The following NUB1 variants were observed in gnomAD, a reference collection of about 807,000 sequenced individuals.
NUB1 encodes negative regulator of ubiquitin like proteins 1.
NUB1 carries 41 observed loss-of-function variants against 77.1 expected under a neutral mutation model. The ratio of observed to expected loss-of-function variants is 0.53; its 90% CI spans 0.41 to 0.69. The LOEUF (loss-of-function observed/expected upper bound fraction) is 0.69. Ranked by LOEUF, NUB1 falls within the 30% of genes least tolerant of loss-of-function variation. The pLI is 0.00. For missense variants in NUB1, 643 were observed against 743.8 expected (o/e 0.86, Z 1.58); for synonymous variants, 257 against 281.0 (o/e 0.91, Z 0.85).
Position 151,366,938 on chromosome 7 carries a change from G to GT in NUB1, c.801dup (p.Glu268Ter), listed in dbSNP as rs1797718093. On this transcript the variant is annotated frameshift_variant and splice_region_variant. Transcript: ENST00000568733. LOFTEE classifies it high-confidence loss of function. ...TGATGTCACTGTCCTTCTCTTTCCA[G>GT]TGAGTGTTGCAGAGAGCTGCTGGAC... is the stretch of plus-strand genomic sequence containing the variant. 6.3e-7 allele frequency: 1 copy of GT among 1,585,518 alleles called. No homozygotes were observed. Among genetic ancestry groups the GT allele is most frequent in the Middle Eastern group, 1.7e-4 (1 of 5,952 alleles).
At chr7:151,361,401 G>C (rs939121409) in intron 8 of NUB1, among the ~76,000 whole-genome samples, 2 of 152,140 alleles carry the variant, frequency 1.3e-5, no homozygotes, top group Non-Finnish European at 2.9e-5. Flanking sequence ...GACCCTGCTA[G>C]TCTTTGCAGT....
chr7:151,368,800 G>A lies in NUB1; in HGVS notation c.1161G>A (p.Gly387=), dbSNP rs748947781. The change falls in exon 11 of 15, where the codon GGG becomes GGA. Residue 387 remains glycine (G), a synonymous_variant. Transcript: ENST00000568733. ...AAGTGGACAATTTGTTGCAGTTGGG[G>A]TTTACTGCCCAGGAAGCCCGGCTTG... ...PSKVDNLLQL[G]FTAQEARLGL... The A allele has an allele frequency of 8.1e-6, 13 of 1,613,978 alleles. No homozygotes were observed. Among genetic ancestry groups the A allele is most frequent in the Admixed American group, 3.3e-5 (2 of 60,026 alleles).
chr7:151,347,170 A>C (rs1796538690), intron 2 of NUB1, among the ~76,000 whole-genome samples: 1 of 152,148 alleles, frequency 6.6e-6, no homozygotes, highest in Admixed American at 6.5e-5. Flanking sequence ...CAAAAATATA[A>C]AGAATGTATT....
chr7:151,347,906 G>A (rs1796576450), intron 2 of NUB1, among the ~76,000 whole-genome samples: 1 of 152,134 alleles, frequency 6.6e-6, no homozygotes, highest in African/African-American at 2.4e-5. Flanking sequence ...GTTTTTTGAA[G>A]TGTTTACTGT....
At chr7:151,374,850 GGTCA>G (rs1798135618) in intron 12 of NUB1, among the ~76,000 whole-genome samples, 1 of 152,190 alleles carries the variant, frequency 6.6e-6, no homozygotes, top group African/African-American at 2.4e-5. Context: ...CGGCCCCGCA[GGTCA>G]GTGAGAGACA....
chr7:151,365,222 T>C (rs1476825900), intron 8 of NUB1, among the ~76,000 whole-genome samples: 1 of 152,042 alleles, frequency 6.6e-6, no homozygotes, highest in Non-Finnish European at 1.5e-5. Flanking sequence ...AGTGTTGATT[T>C]CTCAAAACTA....
At chr7:151,358,843 T>C (rs765773488) in intron 7 of NUB1, among the ~76,000 whole-genome samples, 17 of 151,340 alleles carry the variant, frequency 1.1e-4, no homozygotes, top group Non-Finnish European at 2.4e-4. Context: ...GGTGGGTGGA[T>C]CACAAGATCA....
intron 12 of NUB1, 129 bp downstream of exon 12, chr7:151,374,372 G>A: frequency 8.1e-7 from 1 of 1,234,046 alleles, no homozygotes; most frequent in Non-Finnish European, 1.1e-6. Context: ...GATCTGAAGG[G>A]CAGGTTTCTC....
chr7:151,354,480 G>T (rs190626773), intron 5 of NUB1, among the ~76,000 whole-genome samples: 38 of 151,704 alleles, frequency 2.5e-4, no homozygotes, highest in African/African-American at 8.7e-4. Flanking sequence ...AATATTATTT[G>T]TTATTTTAAA....
intron 1 of NUB1, among the ~76,000 whole-genome samples, chr7:151,344,062 T>C (rs1326792213): frequency 6.7e-6 from 1 of 150,196 alleles, no homozygotes; most frequent in Non-Finnish European, 1.5e-5. Context: ...GCGCCTGTAG[T>C]CCCAGCTACT....
intron 7 of NUB1, among the ~76,000 whole-genome samples, chr7:151,358,845 A>G (rs1450867322): frequency 6.6e-6 from 1 of 151,578 alleles, no homozygotes; most frequent in Non-Finnish European, 1.5e-5. Context: ...TGGGTGGATC[A>G]CAAGATCAGG....
At position 151,367,158 on chromosome 7, in the gene NUB1, G is replaced by GGGC. The variant is rs1283003976; in HGVS notation, c.987+33_987+34insGGC. ...CCTGGAATTCATCTTATGTCTCGTT[G>GGGC]AGTCCATTTCTAGCATTTGTGTTTA... On this transcript the variant is annotated intron_variant, in intron 9 of 14. Transcript: ENST00000568733. The GGGC allele has an allele frequency of 1.9e-6, 3 of 1,553,744 alleles. No individual in the cohort carries two copies. The African/African-American group carries it at 4.1e-5, about 21-fold the overall frequency.
chr7:151,367,164 A>G (rs1797730801), intron 9 of NUB1, 39 bp downstream of exon 9: 4 of 1,516,972 alleles, frequency 2.6e-6, no homozygotes, highest in Non-Finnish European at 3.6e-6. Context: ...CGTTGAGTCC[A>G]TTTCTAGCAT....
At chr7:151,346,082 C>G (rs780667005) in intron 2 of NUB1, among the ~76,000 whole-genome samples, 1 of 152,202 alleles carries the variant, frequency 6.6e-6, no homozygotes, top group Admixed American at 6.5e-5. Context: ...CTTCTCTGCT[C>G]TCATTCAGAG....
At chr7:151,355,577 G>A (rs1797026103) in intron 5 of NUB1, among the ~76,000 whole-genome samples, 191 bp from the exon 6 acceptor site, 1 of 152,234 alleles carries the variant, frequency 6.6e-6, no homozygotes, top group Non-Finnish European at 1.5e-5. Context: ...GGAGGCTGAG[G>A]TGCAAGACTT....
Position 151,342,187 on chromosome 7 carries a change from C to G in NUB1, c.-3+341C>G, listed in dbSNP as rs192912561. ...CAAATGCTATACTTGAATCGTAACA[C>G]TCCGAGTATACCATTTGGGATTTAT... On this transcript the variant is annotated intron_variant, in intron 1 of 14. Coordinates refer to ENST00000568733, the MANE Select transcript of NUB1 (RefSeq NM_001243351.2). Among the ~76,000 whole-genome samples, 5 of 152,330 alleles carry G rather than the reference C, an allele frequency of 3.3e-5. No homozygotes were observed. In the East Asian group the frequency reaches 9.6e-4, roughly 29 times the overall value.
intron 11 of NUB1, among the ~76,000 whole-genome samples, chr7:151,372,495 A>G (rs1798006695): frequency 6.6e-6 from 1 of 152,228 alleles, no homozygotes; most frequent in Non-Finnish European, 1.5e-5. Context: ...CTTTTGGAAT[A>G]TAAATGGAAG....
At chr7:151,372,929 A>G (rs1416306225) in intron 11 of NUB1, among the ~76,000 whole-genome samples, 3 of 152,146 alleles carry the variant, frequency 2.0e-5, no homozygotes, top group Admixed American at 6.5e-5. Flanking sequence ...TTCTCCTGTG[A>G]TAGAGACAGG....
intron 7 of NUB1, 99 bp from the exon 8 acceptor site, chr7:151,360,042 A>T: frequency 3.4e-6 from 2 of 585,866 alleles, no homozygotes; most frequent in South Asian, 2.7e-5. Flanking sequence ...TCTTGTTTTC[A>T]TTTTTTTTAC....
Sources: allele counts gnomAD v4.1 joint callset (sites outside exome capture counted in the v4.1 genomes callset), GRCh38; gene constraint gnomAD v4.1.1; transcripts MANE v1.5; gene names NCBI Gene and HGNC (gene_info 2026-07-23, HGNC 2026-07-21).